LINGO2: variants seen among roughly 807,000 people sequenced by gnomAD.
The protein encoded by LINGO2 is leucine rich repeat and Ig domain containing 2.
Under a neutral mutation model 30.6 loss-of-function variants are expected in LINGO2, and 14 were observed. The observed-to-expected ratio is 0.46, with a 90% CI of 0.30 to 0.72. The LOEUF is 0.72. Ranked by LOEUF, LINGO2 falls within the 30% of genes least tolerant of loss-of-function variation. LINGO2 has a pLI of 0.07. For missense variants in LINGO2, 729 were observed against 751.7 expected (o/e 0.97, Z 0.35); for synonymous variants, 317 against 288.5 (o/e 1.10, Z -1.00).
chr9:28,068,366 A>C (rs1825375510), intron 4 of LINGO2, among the ~76,000 whole-genome samples: 1 of 152,122 alleles, frequency 6.6e-6, no homozygotes, highest in South Asian at 2.1e-4. Flanking sequence ...CTTTGTGTGC[A>C]CATGGGGAGA....
At chr9:28,940,948 T>C in the LINGO2 span, among the ~76,000 whole-genome samples, 2 of 151,644 alleles carry the variant, frequency 1.3e-5, no homozygotes, top group African/African-American at 4.8e-5. Flanking sequence ...AAGAGAAAAT[T>C]GACTAATGTA....
chr9:28,260,712 C>T (rs1288332661), intron 4 of LINGO2, among the ~76,000 whole-genome samples: 3 of 151,906 alleles, frequency 2.0e-5, no homozygotes, highest in Non-Finnish European at 4.4e-5. Context: ...AGCTCTGAGA[C>T]AGATGAGTTT....
chr9:28,375,456 G>T (rs1233812000), intron 2 of LINGO2, among the ~76,000 whole-genome samples: 1 of 152,134 alleles, frequency 6.6e-6, no homozygotes, highest in African/African-American at 2.4e-5. Flanking sequence ...AGGGCCTACA[G>T]AGTGTCTGAA....
the LINGO2 span, among the ~76,000 whole-genome samples, chr9:28,833,499 A>C: frequency 6.6e-6 from 1 of 152,312 alleles, no homozygotes; most frequent in Middle Eastern, 3.4e-3. Flanking sequence ...ATGGAACCTA[A>C]GTCTGAGAGA....
chr9:28,522,422 G>C (rs1820860804), intron 1 of LINGO2, among the ~76,000 whole-genome samples: 1 of 152,122 alleles, frequency 6.6e-6, no homozygotes, highest in Non-Finnish European at 1.5e-5. Flanking sequence ...GGAGTACAGA[G>C]CTACTAGTGC....
At chr9:28,198,562 A>C (rs187689030) in intron 4 of LINGO2, among the ~76,000 whole-genome samples, 2 of 152,322 alleles carry the variant, frequency 1.3e-5, no homozygotes, top group East Asian at 3.9e-4. Flanking sequence ...TTTTCATTTT[A>C]AATATGCCAA....
rs55779320 is a variant in LINGO2 at position 28,055,406 on chromosome 9, T to C, written c.-86-43001A>G. 6.2e-3 allele frequency among the ~76,000 whole-genome samples: 950 copies of C among 152,254 alleles called. 5 individuals carry two copies. Among genetic ancestry groups the C allele is most frequent in the African/African-American group, 0.021 (892 of 41,572 alleles). On this transcript the variant is annotated intron_variant, in intron 4 of 5. Coordinates refer to ENST00000379992, the Ensembl canonical transcript of LINGO2. ...AGGAGTCTGAATGGCCAGGCTATTT[T>C]AGCTATTGCCACATTTCTGTTGGGT...
intron 4 of LINGO2, among the ~76,000 whole-genome samples, chr9:28,209,453 T>TC (rs1820518180): frequency 6.6e-6 from 1 of 151,950 alleles, no homozygotes; most frequent in African/African-American, 2.4e-5. Flanking sequence ...TTTGTTACAC[T>TC]AGGTATAATG....
intron 4 of LINGO2, among the ~76,000 whole-genome samples, chr9:28,243,840 C>T (rs1255603495): frequency 6.6e-6 from 1 of 152,092 alleles, no homozygotes; most frequent in Non-Finnish European, 1.5e-5. Context: ...TTCTTAGAGA[C>T]CTACAAAGAT....
chr9:28,555,312 G>T (rs1220199027), intron 1 of LINGO2, among the ~76,000 whole-genome samples: 1 of 145,072 alleles, frequency 6.9e-6, no homozygotes, highest in African/African-American at 2.7e-5. Flanking sequence ...TGATAAAGGG[G>T]ATATCACCAC....
intron 1 of LINGO2, among the ~76,000 whole-genome samples, chr9:28,538,634 A>G (rs1821538030): frequency 1.3e-5 from 2 of 152,136 alleles, no homozygotes; most frequent in South Asian, 4.1e-4. Context: ...ACGAAGTCCA[A>G]GTTTAAGGTT....
intron 4 of LINGO2, among the ~76,000 whole-genome samples, chr9:28,252,845 T>C (rs1400288170): frequency 6.6e-6 from 1 of 152,092 alleles, no homozygotes; most frequent in Admixed American, 6.6e-5. Flanking sequence ...ATTATGCCTA[T>C]ACAGTGGTTA....
chr9:28,020,455 G>T (rs1823056064), intron 4 of LINGO2, among the ~76,000 whole-genome samples: 1 of 152,044 alleles, frequency 6.6e-6, no homozygotes, highest in African/African-American at 2.4e-5. Context: ...CTTTAACCTG[G>T]GTGGTGGAGG....
At chr9:28,632,731 T>C (rs929330569) in intron 1 of LINGO2, among the ~76,000 whole-genome samples, 1 of 135,458 alleles carries the variant, frequency 7.4e-6, no homozygotes, top group Non-Finnish European at 1.5e-5. Context: ...TATATATAGA[T>C]CTATATATTT....
intron 4 of LINGO2, among the ~76,000 whole-genome samples, chr9:28,249,300 T>C (rs1822112165): frequency 6.6e-6 from 1 of 152,088 alleles, no homozygotes; most frequent in Admixed American, 6.6e-5. Flanking sequence ...CTGATGAAAA[T>C]ATATTTTTAT....
chr9:29,027,494 C>A, the LINGO2 span, among the ~76,000 whole-genome samples: 1 of 152,056 alleles, frequency 6.6e-6, no homozygotes, highest in Non-Finnish European at 1.5e-5. Flanking sequence ...CACGCCACCA[C>A]ACTCAGCAAA....
chr9:29,017,032 T>A, the LINGO2 span, among the ~76,000 whole-genome samples: 5 of 152,194 alleles, frequency 3.3e-5, no homozygotes, highest in South Asian at 1.0e-3. Context: ...TCTTGTGGCA[T>A]AATTATAAGA....
chr9:28,475,373 G>A (rs1426334587), intron 2 of LINGO2, among the ~76,000 whole-genome samples: 1 of 152,088 alleles, frequency 6.6e-6, no homozygotes, highest in African/African-American at 2.4e-5. Context: ...GGATACAATT[G>A]CACACAAAAT....
intron 1 of LINGO2, among the ~76,000 whole-genome samples, chr9:28,589,605 G>A (rs958248666): frequency 1.3e-5 from 2 of 152,048 alleles, no homozygotes; most frequent in African/African-American, 4.8e-5. Context: ...GGATGTGAAG[G>A]TTCTCTTCAA....
Sources: allele counts gnomAD v4.1 joint callset (sites outside exome capture counted in the v4.1 genomes callset), GRCh38; gene constraint gnomAD v4.1.1; transcripts MANE v1.5; gene names NCBI Gene and HGNC (gene_info 2026-07-23, HGNC 2026-07-21).